The following ATP1A2 variants were observed in gnomAD, a reference collection of about 807,000 sequenced individuals.
ATP1A2 encodes the protein ATPase Na+/K+ transporting subunit alpha 2.
Under a neutral mutation model 113.1 loss-of-function variants are expected in ATP1A2, and 56 were observed. The ratio of observed to expected loss-of-function variants is 0.49; its 90% CI spans 0.40 to 0.62. The LOEUF is 0.62. Among genes scored for constraint, ATP1A2 ranks in the 20% least tolerant of loss-of-function variants. The probability of loss-of-function intolerance (pLI) is 0.00; values close to 1 mark genes in which losing one functional copy is unlikely to be tolerated. For synonymous variants in ATP1A2, 490 were observed against 526.8 expected (o/e 0.93, Z 0.96); for missense variants, 712 against 1,357.8 (o/e 0.52, Z 7.47).
chr1:160,121,889 TG>T (rs1651411904), intron 3 of ATP1A2, among the ~76,000 whole-genome samples: 1 of 152,216 alleles, frequency 6.6e-6, no homozygotes, highest in South Asian at 2.1e-4. Context: ...TTTACCACTT[TG>T]GGAGGCCAAG....
In ATP1A2 at chr1:160,130,523, C is replaced by T; in HGVS notation, c.1753C>T (p.Leu585Phe). Residue 585 changes from leucine to phenylalanine, a missense_variant, in exon 13 of 23, where the codon CTC becomes TTC. Coordinates refer to ENST00000361216, the MANE Select transcript of ATP1A2 (RefSeq NM_000702.4). ...CACGGAGAAGCTTTGCTTTGTGGGG[C>T]TCATGTCTATGATTGACCCTCCCCG... ...FPTEKLCFVG[L>F]MSMIDPPRAA... The T allele has an allele frequency of 6.2e-7, 1 of 1,614,228 alleles. No individual in the cohort carries two copies. The highest frequency in any genetic ancestry group is 8.5e-7 in the Non-Finnish European group (1 of 1,180,038).
At chr1:160,123,821 T>C in intron 4 of ATP1A2, 122 bp from the exon 5 acceptor site, 1 of 882,642 alleles carries the variant, frequency 1.1e-6, no homozygotes, top group Non-Finnish European at 1.9e-6. Context: ...ATCATCACTC[T>C]CAGTCACAGA....
At chr1:160,126,434 A>G (rs1286812334) in intron 7 of ATP1A2, among the ~76,000 whole-genome samples, 1 of 152,166 alleles carries the variant, frequency 6.6e-6, no homozygotes, top group Non-Finnish European at 1.5e-5. Flanking sequence ...CCAACTGTAC[A>G]AATAAAAATC....
intron 22 of ATP1A2, 112 bp from the exon 23 acceptor site, chr1:160,141,182 T>C (rs1238780320): frequency 2.2e-6 from 3 of 1,337,408 alleles, no homozygotes; most frequent in Non-Finnish European, 3.2e-6. Context: ...CCCAGTGCCC[T>C]TCACCAGGCT....
intron 22 of ATP1A2, among the ~76,000 whole-genome samples, chr1:160,140,979 C>T (rs184880342): frequency 4.6e-5 from 7 of 150,812 alleles, no homozygotes; most frequent in Non-Finnish European, 8.8e-5. Flanking sequence ...TCTCTTGCCT[C>T]AGCCTCCAGA....
At chr1:160,132,924 C>G (rs992397326) in intron 13 of ATP1A2, among the ~76,000 whole-genome samples, 1 of 152,032 alleles carries the variant, frequency 6.6e-6, no homozygotes, top group East Asian at 1.9e-4. Context: ...ACAAGAGGAA[C>G]CAGTGAGGAG....
intron 13 of ATP1A2, among the ~76,000 whole-genome samples, chr1:160,132,210 C>A (rs951805860): frequency 6.6e-6 from 1 of 152,004 alleles, no homozygotes; most frequent in Non-Finnish European, 1.5e-5. Context: ...CTGTACGGAG[C>A]GTGTGTAGGG....
At chr1:160,130,036 T>A (rs1651719877) in intron 11 of ATP1A2, 66 bp from the exon 12 acceptor site, 4 of 1,598,070 alleles carry the variant, frequency 2.5e-6, no homozygotes, top group Non-Finnish European at 2.6e-6. Context: ...CCTTACCAGC[T>A]GCTGCTCTAT....
At chr1:160,136,412 T>A in intron 18 of ATP1A2, 42 bp downstream of exon 18, 1 of 1,613,066 alleles carries the variant, frequency 6.2e-7, no homozygotes. Context: ...CCCAACAGGG[T>A]TCTTTTCCCA....
chr1:160,117,820 G>A (rs1168795095), intron 1 of ATP1A2, among the ~76,000 whole-genome samples: 2 of 152,184 alleles, frequency 1.3e-5, no homozygotes, highest in Non-Finnish European at 2.9e-5. Flanking sequence ...GAGAGGCTGA[G>A]ATGGGGGGAG....
At chr1:160,128,284 C>T in intron 8 of ATP1A2, 1 of 479,286 alleles carries the variant, frequency 2.1e-6, no homozygotes, top group Non-Finnish European at 3.9e-6. Flanking sequence ...CTTCCTGCTC[C>T]CCCTACACTG....
At chr1:160,127,392 G>A in intron 7 of ATP1A2, among the ~76,000 whole-genome samples, 160 bp from the exon 8 acceptor site, 1 of 152,220 alleles carries the variant, frequency 6.6e-6, no homozygotes, top group Non-Finnish European at 1.5e-5. Flanking sequence ...TCTATCCAGG[G>A]AAAGGAAGGC....
At position 160,125,165 on chromosome 1, in the gene ATP1A2, G is replaced by A. The variant is rs564452950; in HGVS notation, c.660G>A (p.Ser220=). 223 of 1,614,044 alleles carry A rather than the reference G, an allele frequency of 1.4e-4. 2 individuals are homozygous for A. Among genetic ancestry groups the A allele is most frequent in the South Asian group, 1.2e-3 (112 of 91,068 alleles). ...ATAACTCATCCTTAACAGGAGAGTCGGAGCCCCAGACCCGCTCCCCCGAGT... is the reference window on the plus strand; with the variant it reads ...ATAACTCATCCTTAACAGGAGAGTCAGAGCCCCAGACCCGCTCCCCCGAGT... ...KVDNSSLTGE[S]EPQTRSPEFT... is the part of the protein sequence containing the mutation. Residue 220 remains serine, a synonymous_variant, in exon 7 of 23, where the codon TCG becomes TCA. Coordinates refer to ENST00000361216, the MANE Select transcript of ATP1A2 (RefSeq NM_000702.4).
At chr1:160,138,222 T>A (rs1652016854) in intron 20 of ATP1A2, among the ~76,000 whole-genome samples, 2 of 152,224 alleles carry the variant, frequency 1.3e-5, no homozygotes, top group Admixed American at 6.5e-5. Flanking sequence ...AGATGCTATT[T>A]GCCTTATTTT....
At chr1:160,132,342 C>T (rs1651800299) in intron 13 of ATP1A2, among the ~76,000 whole-genome samples, 1 of 152,078 alleles carries the variant, frequency 6.6e-6, no homozygotes, top group Non-Finnish European at 1.5e-5. Flanking sequence ...CCACAGAGAG[C>T]CATCAGTGTC....
chr1:160,141,183 T>C lies in ATP1A2; in HGVS notation c.3035-111T>C, dbSNP rs889085350. The C allele has an allele frequency of 1.6e-5, 21 of 1,343,488 alleles. No homozygotes were observed. In the South Asian group the frequency reaches 2.6e-4, roughly 16 times the overall value. 83.2% of individuals were successfully genotyped at this position (1,343,488 alleles called of 1,614,324 possible). A position where few individuals can be genotyped will look rare whatever the true frequency, so the allele number is the denominator to read the frequency against. The stretch of plus-strand genomic sequence containing the variant: ...CCTAAGCCACTTCCCCCAGTGCCCT[T>C]CACCAGGCTTCTCCTTCCACCTGGC... On this transcript the variant is annotated intron_variant, in intron 22 of 22. Transcript: ENST00000361216.
intron 4 of ATP1A2, among the ~76,000 whole-genome samples, 175 bp downstream of exon 4, chr1:160,123,591 C>T (rs530505489): frequency 2.6e-5 from 4 of 152,310 alleles, no homozygotes; most frequent in East Asian, 1.9e-4. Flanking sequence ...AGTACTCCTC[C>T]GCCAACAGTG....
At chr1:160,124,534 AAT>A (rs1327547596) in intron 6 of ATP1A2, 104 bp downstream of exon 6, 6 of 1,513,976 alleles carry the variant, frequency 4.0e-6, no homozygotes, top group Non-Finnish European at 5.4e-6. Flanking sequence ...CCCAGGTCCA[AAT>A]GTCAACACCA....
chr1:160,121,362 C>T, intron 3 of ATP1A2, 111 bp downstream of exon 3: 1 of 1,309,324 alleles, frequency 7.6e-7, no homozygotes. Context: ...GATGAGGAAA[C>T]TGAGGCCCAG....
Sources: allele counts gnomAD v4.1 joint callset (sites outside exome capture counted in the v4.1 genomes callset), GRCh38; gene constraint gnomAD v4.1.1; transcripts MANE v1.5; gene names NCBI Gene and HGNC (gene_info 2026-07-23, HGNC 2026-07-21).